LOC128125817: variants seen among roughly 807,000 people sequenced by gnomAD.
the LOC128125817 span, among the ~76,000 whole-genome samples, chr1:41,600,622 T>C: frequency 1.3e-5 from 2 of 152,224 alleles, no homozygotes; most frequent in East Asian, 1.9e-4. Context: ...ATCTAGAGAT[T>C]GGTTGCGCAG....
At chr1:41,593,860 C>T in the LOC128125817 span, among the ~76,000 whole-genome samples, 1 of 152,210 alleles carries the variant, frequency 6.6e-6, no homozygotes, top group Non-Finnish European at 1.5e-5. Context: ...GGCCACTTTT[C>T]TTTCTGGGGG....
chr1:41,591,834 T>C, the LOC128125817 span, among the ~76,000 whole-genome samples: 2 of 152,106 alleles, frequency 1.3e-5, no homozygotes, highest in South Asian at 4.1e-4. Flanking sequence ...GCATCCCTCT[T>C]ATTGCCATTT....
At chr1:41,626,792 T>C in the LOC128125817 span, among the ~76,000 whole-genome samples, 39 of 152,254 alleles carry the variant, frequency 2.6e-4, no homozygotes, top group East Asian at 1.9e-3. Context: ...GATCGATTCC[T>C]ATGAACATGT....
the LOC128125817 span, among the ~76,000 whole-genome samples, chr1:41,610,968 A>C: frequency 1.3e-5 from 2 of 152,320 alleles, no homozygotes; most frequent in South Asian, 2.1e-4. Context: ...GTGGGGCTGC[A>C]TTTCCAAAAA....
At chr1:41,623,036 A>T in the LOC128125817 span, among the ~76,000 whole-genome samples, 1 of 152,204 alleles carries the variant, frequency 6.6e-6, no homozygotes, top group Non-Finnish European at 1.5e-5. Flanking sequence ...TATGAGACAG[A>T]GCCCGGATGC....
At chr1:41,619,418 A>C in the LOC128125817 span, among the ~76,000 whole-genome samples, 1 of 152,238 alleles carries the variant, frequency 6.6e-6, no homozygotes, top group Non-Finnish European at 1.5e-5. Context: ...TATGTTTTTA[A>C]GATCTCACAA....
At chr1:41,592,700 T>C in the LOC128125817 span, among the ~76,000 whole-genome samples, 1 of 152,216 alleles carries the variant, frequency 6.6e-6, no homozygotes, top group South Asian at 2.1e-4. Flanking sequence ...TGAGCTATAG[T>C]TGCTGACACC....
the LOC128125817 span, among the ~76,000 whole-genome samples, chr1:41,586,033 A>G: frequency 4.6e-5 from 7 of 152,234 alleles, no homozygotes; most frequent in Admixed American, 1.3e-4. Flanking sequence ...AGAACTTACA[A>G]TCTGACACAG....
chr1:41,598,206 G>A, the LOC128125817 span, among the ~76,000 whole-genome samples: 7 of 152,260 alleles, frequency 4.6e-5, no homozygotes, highest in South Asian at 8.3e-4. Context: ...CATCAACACC[G>A]CCTAAGAGAG....
the LOC128125817 span, among the ~76,000 whole-genome samples, chr1:41,620,760 G>A: frequency 6.6e-6 from 1 of 152,040 alleles, no homozygotes; most frequent in South Asian, 2.1e-4. Flanking sequence ...ACTCTCCTTT[G>A]TCCTCATAGC....
the LOC128125817 span, among the ~76,000 whole-genome samples, chr1:41,613,095 G>A: frequency 1.3e-4 from 20 of 152,340 alleles, 1 homozygote; most frequent in Admixed American, 7.8e-4. Context: ...AGCACTGGGC[G>A]CGGAGTCAGC....
the LOC128125817 span, among the ~76,000 whole-genome samples, chr1:41,594,059 AC>A: frequency 0.011 from 1,695 of 152,268 alleles, 32 homozygotes; most frequent in African/African-American, 0.039. Context: ...CATTGAGTCC[AC>A]CTGGATAATC....
the LOC128125817 span, among the ~76,000 whole-genome samples, chr1:41,623,779 C>G: frequency 5.6e-3 from 853 of 152,334 alleles, 3 homozygotes; most frequent in Non-Finnish European, 9.0e-3. Context: ...CCAGGCCCTC[C>G]TCCTCCTGTG....
the LOC128125817 span, among the ~76,000 whole-genome samples, chr1:41,600,775 T>C: frequency 6.6e-6 from 1 of 152,212 alleles, no homozygotes; most frequent in African/African-American, 2.4e-5. Context: ...TAAGAATATG[T>C]CATGAAGTTT....
At chr1:41,610,035 G>A in the LOC128125817 span, among the ~76,000 whole-genome samples, 1 of 152,198 alleles carries the variant, frequency 6.6e-6, no homozygotes, top group Non-Finnish European at 1.5e-5. Flanking sequence ...ACAGGGGAAT[G>A]ATGTCTGCAG....
chr1:41,594,852 T>C, the LOC128125817 span, among the ~76,000 whole-genome samples: 4 of 152,218 alleles, frequency 2.6e-5, no homozygotes, highest in African/African-American at 9.6e-5. Flanking sequence ...TTCCCTCCTT[T>C]CCTCTCTTCT....
chr1:41,606,154 T>C, the LOC128125817 span, among the ~76,000 whole-genome samples: 1 of 151,260 alleles, frequency 6.6e-6, no homozygotes, highest in Non-Finnish European at 1.5e-5. Context: ...TCAACCTCTC[T>C]CTCCCAATTT....
chr1:41,595,139 A>G, the LOC128125817 span, among the ~76,000 whole-genome samples: 1 of 152,206 alleles, frequency 6.6e-6, no homozygotes, highest in East Asian at 1.9e-4. Context: ...TCTGGCATAT[A>G]CTTTTCTACT....
At chr1:41,608,745 G>C in the LOC128125817 span, among the ~76,000 whole-genome samples, 2 of 152,128 alleles carry the variant, frequency 1.3e-5, no homozygotes, top group African/African-American at 4.8e-5. Flanking sequence ...TTCCTATCTT[G>C]TTTTCTAATG....
Sources: gnomAD v4.1 joint callset for allele counts (sites outside exome capture counted in the v4.1 genomes callset) on GRCh38, gnomAD v4.1.1 for gene constraint, MANE v1.5 for transcripts.